The following IRAK4 variants were observed in gnomAD, a reference collection of about 807,000 sequenced individuals.
IRAK4 encodes the protein interleukin 1 receptor associated kinase 4, also known as interleukin-1 receptor-associated kinase 4.
Under a neutral mutation model 51.8 loss-of-function variants are expected in IRAK4, and 44 were observed. The observed-to-expected ratio is 0.85, with a 90% CI of 0.67 to 1.09. The LOEUF (loss-of-function observed/expected upper bound fraction) is 1.09, where lower values mean the gene tolerates loss of function less well. IRAK4 is among the 50% of genes least tolerant of loss of function. The pLI is 0.00. For missense variants in IRAK4, 487 were observed against 538.0 expected (o/e 0.91, Z 0.94); for synonymous variants, 149 against 174.1 (o/e 0.86, Z 1.13).
At chr12:43,782,570 C>A in intron 9 of IRAK4, 80 bp downstream of exon 9, 3 of 1,150,056 alleles carry the variant, frequency 2.6e-6, no homozygotes, top group Non-Finnish European at 3.8e-6. Context: ...TTTAATACAC[C>A]CATCTTGTTT....
intron 6 of IRAK4, among the ~76,000 whole-genome samples, chr12:43,774,603 A>G (rs1055948512): frequency 3.9e-5 from 6 of 152,204 alleles, no homozygotes; most frequent in Non-Finnish European, 8.8e-5. Context: ...GTCCTTCATT[A>G]TCATGTTTTC....
chr12:43,777,559 G>C lies in IRAK4; in HGVS notation c.717-71G>C, dbSNP rs4251498. ...TGCTCTTTTTTTCTATTAAAACTTT[G>C]AATAACTTCCAACCTATAGCTGAAT... is the stretch of plus-strand genomic sequence containing the variant. On this transcript the variant is annotated intron_variant, in intron 6 of 11. Transcript: ENST00000613694. 1,616 of 1,383,608 alleles carry C rather than the reference G, an allele frequency of 1.2e-3. 24 individuals are homozygous for C. The African/African-American group carries it at 0.022, about 19-fold the overall frequency. 85.7% of individuals were successfully genotyped at this position (1,383,608 alleles called of 1,614,324 possible).
rs1941412340 is a variant in IRAK4, at chr12:43,777,703, T to C, written c.790T>C (p.Tyr264His). Residue 264 changes from tyrosine to histidine, a missense_variant, in exon 7 of 12, where the codon TAC becomes CAC. By Grantham distance (83) the Tyr-to-His change is moderately conservative. Coordinates refer to ENST00000613694, the MANE Select transcript of IRAK4 (RefSeq NM_016123.4). ...AGATGACCTCTGCTTAGTATATGTT[T>C]ACATGCCTAATGGTTCATTGCTAGA... ...DGDDLCLVYV[Y>H]MPNGSLLDRL... The C allele has an allele frequency of 6.2e-7, 1 of 1,613,448 alleles. No individual in the cohort carries two copies. The highest frequency in any genetic ancestry group is 8.5e-7 in the Non-Finnish European group (1 of 1,179,594).
chr12:43,777,870 A>G (rs1282836243), intron 7 of IRAK4, 126 bp downstream of exon 7: 1 of 834,738 alleles, frequency 1.2e-6, no homozygotes, highest in East Asian at 2.6e-5. Context: ...TGAAAATTAT[A>G]CAGTTGATAT....
At chr12:43,783,392 G>T (rs1027638520) in intron 9 of IRAK4, among the ~76,000 whole-genome samples, 7 of 151,940 alleles carry the variant, frequency 4.6e-5, no homozygotes, top group Non-Finnish European at 8.8e-5. Flanking sequence ...ATTATGGCTC[G>T]CTGTAGCCTC....
chr12:43,765,772 T>C (rs1940074849), intron 1 of IRAK4, among the ~76,000 whole-genome samples: 1 of 151,306 alleles, frequency 6.6e-6, no homozygotes, highest in South Asian at 2.1e-4. Context: ...CCAGACCACA[T>C]ATATAAGTAC....
At chr12:43,782,081 C>T (rs916009029) in intron 8 of IRAK4, among the ~76,000 whole-genome samples, 4 of 151,912 alleles carry the variant, frequency 2.6e-5, no homozygotes, top group African/African-American at 9.7e-5. Flanking sequence ...AAAAAGAGGA[C>T]AGTTGCTTCT....
At position 43,768,178 on chromosome 12, in the gene IRAK4, T is replaced by G; in HGVS notation, c.67T>G (p.Ser23Ala). 1 of 1,613,552 alleles carries G rather than the reference T, an allele frequency of 6.2e-7. No homozygotes were observed. The highest frequency in any genetic ancestry group is 1.1e-5 in the South Asian group (1 of 91,044). Residue 23 changes from serine (S) to alanine (A), a missense_variant, in exon 2 of 12, where the codon TCA (serine) becomes GCA (alanine). By Grantham distance (99) the Ser-to-Ala change is moderately conservative (BLOSUM62 1). Transcript: ENST00000613694. ...CLNVGLIRKL[S>A]DFIDPQEGWK... ...CAATGTTGGACTAATTAGGAAGCTG[T>G]CAGATTTTATTGATCCTCAAGAAGG...
chr12:43,782,149 C>T (rs1194493233), intron 8 of IRAK4, among the ~76,000 whole-genome samples, 158 bp from the exon 9 acceptor site: 2 of 152,084 alleles, frequency 1.3e-5, no homozygotes, highest in East Asian at 3.8e-4. Flanking sequence ...TTTTATGATG[C>T]ATACTATAAA....
chr12:43,764,613 G>C (rs1189645004), intron 1 of IRAK4, among the ~76,000 whole-genome samples: 2 of 152,136 alleles, frequency 1.3e-5, no homozygotes, highest in Non-Finnish European at 2.9e-5. Flanking sequence ...GATTTTTCAA[G>C]ATTGGGAAAC....
At position 43,786,504 on chromosome 12, in the gene IRAK4, G is replaced by A; in HGVS notation, c.1294G>A (p.Val432Ile). ...CACTTCAGTTGAAGCTATGTACTCTGTTGCTAGTCAATGTCTGCATGAAAA... is the reference window on the plus strand; with the variant it reads ...CACTTCAGTTGAAGCTATGTACTCTATTGCTAGTCAATGTCTGCATGAAAA... ...DSTSVEAMYS[V>I]ASQCLHEKKN... Residue 432 changes from valine to isoleucine, a missense_variant, in exon 11 of 12, where the codon GTT (valine) becomes ATT (isoleucine). Val to Ile is a conservative substitution (Grantham distance 29). Coordinates refer to ENST00000613694, the MANE Select transcript of IRAK4 (RefSeq NM_016123.4). 2 of 1,613,466 alleles carry A rather than the reference G, an allele frequency of 1.2e-6. No homozygotes were observed. Among genetic ancestry groups the A allele is most frequent in the Non-Finnish European group, 1.7e-6 (2 of 1,179,810 alleles).
At chr12:43,771,730 T>A (rs1453636091) in intron 3 of IRAK4, among the ~76,000 whole-genome samples, 1 of 152,232 alleles carries the variant, frequency 6.6e-6, no homozygotes, top group East Asian at 1.9e-4. Context: ...TTTTAAAAAA[T>A]TGTATTCTGA....
At position 43,772,587 on chromosome 12, in the gene IRAK4, AT is replaced by A. The variant is rs4251474; in HGVS notation, c.490+226del. On this transcript the variant is annotated intron_variant, in intron 4 of 11. Coordinates refer to ENST00000613694, the MANE Select transcript of IRAK4 (RefSeq NM_016123.4). ...ACAACCAGAGAAGCTATGAAAAAAA[AT>A]AAGTAAATATTTACATAACTTGGAA... 1.9e-3 allele frequency among the ~76,000 whole-genome samples: 293 copies of A among 152,316 alleles called. 3 individuals are homozygous for A. Among genetic ancestry groups the A allele is most frequent in the African/African-American group, 6.7e-3 (277 of 41,554 alleles).
At chr12:43,770,948 C>T (rs908963087) in intron 2 of IRAK4, 3 of 613,390 alleles carry the variant, frequency 4.9e-6, no homozygotes, top group Admixed American at 4.4e-5. Context: ...TAAGTTAGGC[C>T]CTATTTTTCT....
chr12:43,771,695 C>G (rs1260464378), intron 3 of IRAK4, among the ~76,000 whole-genome samples: 2 of 152,110 alleles, frequency 1.3e-5, no homozygotes, highest in African/African-American at 4.8e-5. Context: ...TCAACTTCTA[C>G]CCTGATGGGA....
rs1363378664 is a variant in IRAK4 at position 43,787,165 on chromosome 12, T to G, written c.*450T>G. ...CTGACAGGTAGTCATGAAAATCAAA[T>G]GATGCAAAATATATACAAGCACTTT... On this transcript the variant is annotated 3_prime_UTR_variant, in exon 12 of 12. Transcript: ENST00000613694. 3 of 159,406 alleles carry G rather than the reference T, an allele frequency of 1.9e-5. No individual in the cohort carries two copies. The highest frequency in any genetic ancestry group is 7.2e-5 in the African/African-American group (3 of 41,604). The allele number at this position is 159,406 out of a possible 1,614,324, so 9.9% of individuals were successfully genotyped here.
At chr12:43,763,863 G>A (rs1237649823) in intron 1 of IRAK4, among the ~76,000 whole-genome samples, 1 of 152,082 alleles carries the variant, frequency 6.6e-6, no homozygotes, top group East Asian at 1.9e-4. Flanking sequence ...ATATCCATCA[G>A]TGTCTATTTG....
chr12:43,773,132 G>A (rs1940946925), intron 5 of IRAK4, 60 bp downstream of exon 5: 3 of 1,413,682 alleles, frequency 2.1e-6, no homozygotes, highest in Middle Eastern at 1.8e-4. Context: ...CCTATAATAG[G>A]TTTTAAAGTT....
At chr12:43,759,359 C>T (rs1939172607) in intron 1 of IRAK4, 3 of 152,302 alleles carry the variant, frequency 2.0e-5, no homozygotes, top group African/African-American at 7.2e-5. Flanking sequence ...GTCTCTTTTC[C>T]CCAGAACCAG....
Sources: allele counts gnomAD v4.1 joint callset (sites outside exome capture counted in the v4.1 genomes callset), GRCh38; gene constraint gnomAD v4.1.1; transcripts MANE v1.5; gene names NCBI Gene and HGNC (gene_info 2026-07-23, HGNC 2026-07-21).